The following DST variants were observed in gnomAD, a reference collection of about 807,000 sequenced individuals.
DST encodes the protein dystonin.
Under a neutral mutation model 875.2 loss-of-function variants are expected in DST, and 253 were observed. The observed-to-expected ratio is 0.29, with a 90% CI of 0.26 to 0.32. The LOEUF (loss-of-function observed/expected upper bound fraction) is 0.32. Among genes scored for constraint, DST ranks in the 10% least tolerant of loss-of-function variants. The probability of loss-of-function intolerance (pLI) is 1.00; values close to 1 mark genes in which losing one functional copy is unlikely to be tolerated. For synonymous variants in DST, 3,124 were observed against 3,197.1 expected, an observed-to-expected ratio of 0.98 and a Z score of 0.77; for missense variants, 8,287 against 9,111.6, an observed-to-expected ratio of 0.91 and a Z score of 3.68.
Position 56,608,932 on chromosome 6 carries a change from T to C in DST, c.5696A>G (p.Gln1899Arg), listed in dbSNP as rs770433621. Residue 1899 changes from glutamine to arginine, a missense_variant, in exon 40 of 104, where the codon CAG (glutamine) becomes CGG (arginine). Gln to Arg is a conservative substitution (Grantham distance 43). Around this residue, in one of 10 missense-constraint regions of DST, gnomAD observed 3,138 missense variants for 3,116.6 expected, o/e 1.01. Coordinates refer to ENST00000680361, the MANE Select transcript of DST (RefSeq NM_001374736.1). ...EQLTLQKAFQ[Q>R]NLVSSALFSK... ...AAATAATGCTGAGGAAACCAAGTTC[T>C]GTTGGAAAGCCTTCTGTAGGGTCAA... The C allele has an allele frequency of 6.2e-7, 1 of 1,613,852 alleles. No individual in the cohort carries two copies. Among genetic ancestry groups the C allele is most frequent in the Non-Finnish European group, 8.5e-7 (1 of 1,179,806 alleles).
intron 81 of DST, 155 bp downstream of exon 81, chr6:56,497,701 G>A: frequency 1.1e-6 from 1 of 948,434 alleles, no homozygotes; most frequent in Non-Finnish European, 1.5e-6. Context: ...AGAAAGCTGT[G>A]TTCTCTTCTG....
chr6:56,760,203 T>C (rs1243013656), intron 4 of DST, among the ~76,000 whole-genome samples: 2 of 152,180 alleles, frequency 1.3e-5, no homozygotes, highest in African/African-American at 4.8e-5. Context: ...AATAATTTAA[T>C]AGCAAATCCA....
At chr6:56,472,610 C>G (rs896517865) in intron 93 of DST, among the ~76,000 whole-genome samples, 1 of 152,164 alleles carries the variant, frequency 6.6e-6, no homozygotes, top group African/African-American at 2.4e-5. Context: ...TTACATCAAA[C>G]CCAGCTGTCC....
Position 56,598,659 on chromosome 6 carries a change from C to T in DST, c.11745G>A (p.Val3915=), listed in dbSNP as rs772436994. 4 of 1,610,866 alleles carry T rather than the reference C, an allele frequency of 2.5e-6. No homozygotes were observed. The highest frequency in any genetic ancestry group is 1.1e-5 in the South Asian group (1 of 90,406). Residue 3915 remains valine, a synonymous_variant, in exon 46 of 104, where the codon GTG becomes GTA. Coordinates refer to ENST00000680361, the MANE Select transcript of DST (RefSeq NM_001374736.1). ...CTTTTAAGAAGTTCTCTGTGTTTTT[C>T]ACTACTTCAGCCAATGCCTGTGCAC... The part of the protein sequence containing the change: ...QGSAQALAEV[V]KNTENFLKEN...
chr6:56,595,789 C>CA lies in DST; in HGVS notation c.12196-1597dup, dbSNP rs1563058880. Among the ~76,000 whole-genome samples the CA allele has an allele frequency of 7.3e-4, 107 of 146,518 alleles. 1 individual carries two copies. The highest frequency in any genetic ancestry group is 2.7e-3 in the African/African-American group (99 of 36,192). On this transcript the variant is annotated intron_variant, in intron 47 of 103. Coordinates refer to ENST00000680361, the MANE Select transcript of DST (RefSeq NM_001374736.1). ...ATACATTCATATGCTACCCCCACCC[C>CA]ACCCCGAGAAGGGCTTTGCACAAAA...
chr6:56,874,680 CAT>C (rs1377397529), intron 3 of DST, among the ~76,000 whole-genome samples: 1 of 152,240 alleles, frequency 6.6e-6, no homozygotes, highest in Non-Finnish European at 1.5e-5. Context: ...TTCTTTCCCA[CAT>C]GAGCCTGAAA....
At chr6:56,747,436 T>A (rs902986828) in intron 4 of DST, among the ~76,000 whole-genome samples, 2 of 152,224 alleles carry the variant, frequency 1.3e-5, no homozygotes, top group African/African-American at 4.8e-5. Flanking sequence ...TTTACTGGTA[T>A]CTGTTCTCAC....
Position 56,701,905 on chromosome 6 carries a change from A to C in DST, c.937T>G (p.Tyr313Asp). Residue 313 changes from tyrosine to aspartate, a missense_variant, in exon 8 of 104, where the codon TAT becomes GAT. Tyr to Asp is a radical substitution (Grantham distance 160). Transcript: ENST00000680361. ...CATCATACCTGGCGTCTTTTCAAAT[A>C]GTCAAGTGCAATTTGTACATTCTGT... ...RLQNVQIALD[Y>D]LKRRQVKLVN... The C allele has an allele frequency of 1.2e-6, 2 of 1,608,350 alleles. No homozygotes were observed. Among genetic ancestry groups the C allele is most frequent in the Non-Finnish European group, 8.5e-7 (1 of 1,175,652 alleles).
chr6:56,506,570 T>C, intron 76 of DST, 26 bp from the exon 77 acceptor site: 1 of 1,609,106 alleles, frequency 6.2e-7, no homozygotes, highest in South Asian at 1.1e-5. Context: ...TAGAATTCTT[T>C]TAGTGCCATA....
intron 2 of DST, among the ~76,000 whole-genome samples, chr6:56,902,817 A>G (rs1010955783): frequency 1.3e-5 from 2 of 152,284 alleles, no homozygotes; most frequent in East Asian, 3.9e-4. Flanking sequence ...GCTGAACCAA[A>G]TTCTAGGGCA....
intron 5 of DST, among the ~76,000 whole-genome samples, chr6:56,729,328 C>T (rs2099486676): frequency 6.6e-6 from 1 of 152,148 alleles, no homozygotes; most frequent in Admixed American, 6.5e-5. Flanking sequence ...CAGTGGCTCA[C>T]GCCTGTAATC....
chr6:56,873,191 A>G (rs1304936818), intron 3 of DST, among the ~76,000 whole-genome samples: 1 of 151,974 alleles, frequency 6.6e-6, no homozygotes, highest in Non-Finnish European at 1.5e-5. Flanking sequence ...TAATCAGATT[A>G]TTTGTCTTTT....
chr6:56,620,045 C>A (rs1290881698), intron 36 of DST: 2 of 1,613,998 alleles, frequency 1.2e-6, no homozygotes, highest in East Asian at 4.5e-5. Flanking sequence ...ATTTTCTCTA[C>A]ATGTATACTG....
At chr6:56,591,406 G>A (rs1297436198) in intron 49 of DST, among the ~76,000 whole-genome samples, 1 of 152,136 alleles carries the variant, frequency 6.6e-6, no homozygotes, top group Non-Finnish European at 1.5e-5. Context: ...TATGATGGTA[G>A]CATCCCTTCT....
At chr6:56,801,168 A>G (rs2099746361) in intron 4 of DST, among the ~76,000 whole-genome samples, 1 of 151,850 alleles carries the variant, frequency 6.6e-6, no homozygotes, top group South Asian at 2.1e-4. Flanking sequence ...TAAACTCCAG[A>G]TTTTATATGG....
At position 56,511,344 on chromosome 6, in the gene DST, A is replaced by G. The variant is rs1439396000; in HGVS notation, c.18633T>C (p.Thr6211=). The part of the protein sequence containing the change: ...HKPHIDKMNK[T]GPQLLELSPG... ...GGCTCAATTCCAGTAACTGTGGCCC[A>G]GTTTTGTTCATCTTATCTATATGAG... The change falls in exon 73 of 104, where the codon ACT becomes ACC. Residue 6211 remains threonine, a synonymous_variant. Coordinates refer to ENST00000680361, the MANE Select transcript of DST (RefSeq NM_001374736.1). The G allele has an allele frequency of 3.7e-6, 6 of 1,608,350 alleles. No homozygotes were observed. The African/African-American group carries it at 6.7e-5, about 18-fold the overall frequency.
chr6:56,668,791 A>T (rs116605234), intron 10 of DST, among the ~76,000 whole-genome samples: 1,888 of 151,926 alleles, frequency 0.012, 26 homozygotes, highest in South Asian at 0.021. Flanking sequence ...AATTAATTAA[A>T]TAAAATAAAA....
intron 4 of DST, among the ~76,000 whole-genome samples, chr6:56,764,097 G>GCACACACACACACA (rs57134689): frequency 7.7e-4 from 109 of 142,010 alleles, no homozygotes; most frequent in African/African-American, 2.6e-3. Context: ...AAGTGCACAT[G>GCACACACACACACA]CACACACACA....
In DST at chr6:56,477,495, C is replaced by G. The variant is rs766379791; in HGVS notation, c.21532-7G>C. On this transcript the variant is annotated splice_polypyrimidine_tract_variant and splice_region_variant and intron_variant, in intron 90 of 103. Coordinates refer to ENST00000680361, the MANE Select transcript of DST (RefSeq NM_001374736.1). ...CCAGTTTCTTCATGAATTCCTACAG[C>G]AGAAACAAAGACTTCAATTAACTGT... 6.2e-7 allele frequency: 1 copy of G among 1,613,808 alleles called. No homozygotes were observed. The highest frequency in any genetic ancestry group is 8.5e-7 in the Non-Finnish European group (1 of 1,179,802).
Sources: allele counts gnomAD v4.1 joint callset (sites outside exome capture counted in the v4.1 genomes callset), GRCh38; gene constraint gnomAD v4.1.1; regional missense constraint gnomAD v4.1.1; transcripts MANE v1.5; gene names NCBI Gene and HGNC (gene_info 2026-07-23, HGNC 2026-07-21).